The following NEAT1 variants were observed in gnomAD, a reference collection of about 807,000 sequenced individuals.
NEAT1 encodes the protein MENepsilon/beta.
chr11:65,422,852 G>A (rs1408682160), exon 1 of NEAT1: 5 of 152,746 alleles, frequency 3.3e-5, no homozygotes, highest in Non-Finnish European at 5.9e-5. Flanking sequence ...GGGAGGAAGT[G>A]GCTAGCTCAG....
chr11:65,437,492 GTTCCT>G (rs1856672444), exon 1 of NEAT1: 1 of 151,950 alleles, frequency 6.6e-6, no homozygotes, highest in Non-Finnish European at 1.5e-5. Context: ...TCACGTGCCA[GTTCCT>G]AATGGTTTTA....
exon 1 of NEAT1, chr11:65,437,226 TAC>T (rs202088628): frequency 3.5e-5 from 5 of 141,962 alleles, no homozygotes; most frequent in African/African-American, 1.4e-4. Context: ...TATATATATA[TAC>T]ATATATATAT....
chr11:65,437,213 A>ATATATATATATATATATATATATG (rs1856667728), exon 1 of NEAT1: 1 of 130,952 alleles, frequency 7.6e-6, no homozygotes, highest in African/African-American at 3.1e-5. Context: ...ATATATATGT[A>ATATATATATATATATATATATATG]TATATATATA....
At chr11:65,430,430 A>G (rs1212326482) in exon 1 of NEAT1, 1 of 152,220 alleles carries the variant, frequency 6.6e-6, no homozygotes, top group East Asian at 1.9e-4. Context: ...ACACATTTGA[A>G]GAGGCTTTTT....
chr11:65,440,932 G>C (rs1043656525), exon 1 of NEAT1: 1 of 151,578 alleles, frequency 6.6e-6, no homozygotes, highest in Non-Finnish European at 1.5e-5. Context: ...GGCAGGTTTT[G>C]GGTAGGATAG....
exon 1 of NEAT1, chr11:65,441,687 C>T (rs1202385971): frequency 6.6e-6 from 1 of 151,738 alleles, no homozygotes; most frequent in Admixed American, 6.6e-5. Flanking sequence ...TTTTATTGGC[C>T]TTTTGAAAAA....
chr11:65,442,930 C>G (rs1050624933), exon 1 of NEAT1: 3 of 152,194 alleles, frequency 2.0e-5, no homozygotes, highest in Non-Finnish European at 4.4e-5. Context: ...TGGTTTCAGT[C>G]CTGATGTATA....
exon 1 of NEAT1, chr11:65,437,510 T>C (rs376827987): frequency 6.6e-6 from 1 of 152,098 alleles, no homozygotes; most frequent in African/African-American, 2.4e-5. Flanking sequence ...TGGTTTTACA[T>C]AGTGTAATCT....
At chr11:65,425,755 C>T (rs1020242239) in exon 1 of NEAT1, 1 of 151,974 alleles carries the variant, frequency 6.6e-6, no homozygotes, top group Non-Finnish European at 1.5e-5. Flanking sequence ...AGAAACACAT[C>T]TGTTGTCTTT....
At chr11:65,437,228 CAT>C (rs377012577) in exon 1 of NEAT1, 5 of 129,288 alleles carry the variant, frequency 3.9e-5, no homozygotes, top group Admixed American at 1.6e-4. Context: ...TATATATATA[CAT>C]ATATATATAC....
exon 1 of NEAT1, chr11:65,445,156 A>G (rs758326760): frequency 6.6e-6 from 1 of 152,234 alleles, no homozygotes; most frequent in Non-Finnish European, 1.5e-5. Flanking sequence ...CTGTATACAC[A>G]CAGAAGCTTG....
exon 1 of NEAT1, chr11:65,442,570 C>T (rs1032913442): frequency 6.6e-5 from 10 of 152,212 alleles, no homozygotes; most frequent in African/African-American, 2.4e-4. Flanking sequence ...ACATGAAGGC[C>T]TTCCATCTGT....
chr11:65,425,434 T>G (rs920648822), exon 1 of NEAT1: 1 of 152,124 alleles, frequency 6.6e-6, no homozygotes. Context: ...TCAAGTGAAT[T>G]AGTCACTTGA....
exon 1 of NEAT1, chr11:65,435,524 T>C (rs904222831): frequency 6.6e-6 from 1 of 152,182 alleles, no homozygotes; most frequent in African/African-American, 2.4e-5. Context: ...TTCCTAGCCA[T>C]CTCAAAGTGT....
At chr11:65,436,004 A>C (rs1205321317) in exon 1 of NEAT1, 3 of 152,260 alleles carry the variant, frequency 2.0e-5, no homozygotes, top group Non-Finnish European at 4.4e-5. Context: ...CTGGTCTGGG[A>C]AGGAGTGCTG....
At chr11:65,444,517 C>G (rs753475143) in exon 1 of NEAT1, 1 of 494,358 alleles carries the variant, frequency 2.0e-6, no homozygotes, top group East Asian at 6.2e-5. Context: ...AGGAGGGGCT[C>G]CAGGGGCCCT....
At chr11:65,423,279 G>C (rs1483774006) in exon 1 of NEAT1, 1 of 152,496 alleles carries the variant, frequency 6.6e-6, no homozygotes, top group African/African-American at 2.4e-5. Context: ...CATGCCAGCA[G>C]CCCCTTTTTT....
exon 1 of NEAT1, chr11:65,438,653 T>C (rs1038373950): frequency 6.6e-6 from 1 of 152,224 alleles, no homozygotes; most frequent in Admixed American, 6.5e-5. Flanking sequence ...ACAGTATTTG[T>C]CTTTTTGGGT....
chr11:65,427,542 G>A (rs972246708), exon 1 of NEAT1: 8 of 152,282 alleles, frequency 5.3e-5, no homozygotes, highest in African/African-American at 1.7e-4. Flanking sequence ...ACAAACGGGT[G>A]GAGTGCTGGG....
Sources: gnomAD v4.1 joint callset for allele counts on GRCh38, gnomAD v4.1.1 for gene constraint, MANE v1.5 for transcripts, NCBI Gene and HGNC (gene_info 2026-07-23, HGNC 2026-07-21) for gene names.